The following PPP5C variants were observed in gnomAD, a reference collection of about 807,000 sequenced individuals.
PPP5C encodes serine/threonine-protein phosphatase 5.
In PPP5C, 21 loss-of-function variants were observed where a neutral mutation model predicts 66.7. That is an observed-to-expected ratio of 0.31 (90% CI 0.22 to 0.45). PPP5C has a LOEUF of 0.45. Ranked by LOEUF, PPP5C falls within the 20% of genes least tolerant of loss-of-function variation. PPP5C has a pLI of 1.00. For missense variants in PPP5C, 464 were observed against 675.9 expected (o/e 0.69, Z 3.48); for synonymous variants, 246 against 257.4 (o/e 0.96, Z 0.43).
Position 46,376,780 on chromosome 19 carries a change from C to A in PPP5C, c.633+206C>A. On this transcript the variant is annotated intron_variant, in intron 4 of 12. Coordinates refer to ENST00000012443, the MANE Select transcript of PPP5C (RefSeq NM_006247.4). The surrounding 1 kb of genome is among the most constrained non-coding windows in gnomAD (Gnocchi z 5.1). ...CAGTTTGGGGAGGTGGCAGGCAGTG[C>A]CATTTGACAGATGCAGGGACAAAGG... 1.6e-6 allele frequency: 1 copy of A among 629,374 alleles called. No individual in the cohort carries two copies. Among genetic ancestry groups the A allele is most frequent in the Non-Finnish European group, 2.6e-6 (1 of 389,718 alleles). 39.0% of individuals were successfully genotyped at this position (629,374 alleles called of 1,614,324 possible).
At chr19:46,377,938 T>C (rs1244408059) in intron 4 of PPP5C, among the ~76,000 whole-genome samples, 1 of 152,268 alleles carries the variant, frequency 6.6e-6, no homozygotes, top group Non-Finnish European at 1.5e-5. Flanking sequence ...TAAGCTGCTA[T>C]GAACTTCTTG....
At chr19:46,369,459 C>T (rs886396931) in intron 2 of PPP5C, among the ~76,000 whole-genome samples, 4 of 151,586 alleles carry the variant, frequency 2.6e-5, no homozygotes, top group African/African-American at 7.3e-5. Context: ...GGTGAAACAC[C>T]GTCTCTACTA....
chr19:46,374,126 G>T (rs1972648257), intron 2 of PPP5C, among the ~76,000 whole-genome samples: 1 of 152,204 alleles, frequency 6.6e-6, no homozygotes, highest in African/African-American at 2.4e-5. Flanking sequence ...AGCCCAGGTG[G>T]AGCTGCCTGG....
intron 1 of PPP5C, 114 bp from the exon 2 acceptor site, chr19:46,353,634 A>G (rs1972230816): frequency 2.1e-6 from 3 of 1,451,844 alleles, no homozygotes; most frequent in Non-Finnish European, 2.8e-6. Flanking sequence ...CTCTGGGCTC[A>G]GGGTAGCCCT....
At chr19:46,387,508 T>G (rs1191649534) in intron 9 of PPP5C, 55 bp downstream of exon 9, 6 of 1,613,498 alleles carry the variant, frequency 3.7e-6, no homozygotes, top group African/African-American at 2.7e-5. Context: ...TGGGCTGAGC[T>G]CTCCCCTGCA....
At chr19:46,347,872 G>A (rs371568804) in intron 1 of PPP5C, among the ~76,000 whole-genome samples, 2 of 150,986 alleles carry the variant, frequency 1.3e-5, no homozygotes, top group African/African-American at 4.9e-5. Flanking sequence ...TGACTTTGGG[G>A]ATATAGCAGT....
Position 46,359,277 on chromosome 19 carries a change from A to G in PPP5C, c.363+5288A>G, listed in dbSNP as rs140873286. ...TTATACAGCTGCGTCTCTGTGTCCAATCATCTCTAGTCTTCAGAATACCAT... is the reference window on the plus strand; with the variant it reads ...TTATACAGCTGCGTCTCTGTGTCCAGTCATCTCTAGTCTTCAGAATACCAT... On this transcript the variant is annotated intron_variant, in intron 2 of 12. Transcript: ENST00000012443. 1.6e-3 allele frequency among the ~76,000 whole-genome samples: 240 copies of G among 152,282 alleles called. 2 individuals carry two copies. Among genetic ancestry groups the G allele is most frequent in the Non-Finnish European group, 2.4e-3 (162 of 68,020 alleles).
At position 46,383,552 on chromosome 19, in the gene PPP5C, G is replaced by A; in HGVS notation, c.699+76G>A. 1.4e-6 allele frequency: 2 copies of A among 1,405,830 alleles called. No individual in the cohort carries two copies. Among genetic ancestry groups the A allele is most frequent in the Non-Finnish European group, 1.9e-6 (2 of 1,028,340 alleles). 87.1% of individuals were successfully genotyped at this position (1,405,830 alleles called of 1,614,324 possible). A position where few individuals can be genotyped will look rare whatever the true frequency, so the allele number is the denominator to read the frequency against. On this transcript the variant is annotated intron_variant, in intron 5 of 12. Transcript: ENST00000012443. This position sits in a 1 kb window ranked among gnomAD's most constrained non-coding sequence, Gnocchi z 5.0. ...GCTGGGGAGGGGCCACAGAGCTCAG[G>A]AACTCACGGATCCACCTCCCTCTCT...
chr19:46,357,355 G>GT (rs1972304693), intron 2 of PPP5C, among the ~76,000 whole-genome samples: 1 of 152,136 alleles, frequency 6.6e-6, no homozygotes, highest in African/African-American at 2.4e-5. Flanking sequence ...GCCCCAAAGT[G>GT]TTTTTTCTAT....
At chr19:46,377,123 T>A (rs1388342252) in intron 4 of PPP5C, among the ~76,000 whole-genome samples, 2 of 151,986 alleles carry the variant, frequency 1.3e-5, no homozygotes, top group Non-Finnish European at 2.9e-5. Context: ...ACCTCCTGGG[T>A]TGGTTATGAG....
rs1196091857 is a variant in PPP5C, at chr19:46,388,382, C to A, written c.1136-26C>A. 1 of 1,605,524 alleles carries A rather than the reference C, an allele frequency of 6.2e-7. No homozygotes were observed. Among genetic ancestry groups the A allele is most frequent in the East Asian group, 2.2e-5 (1 of 44,658 alleles). ...CACCCCCGGGGAGGTGGACGAGTCC[C>A]TAATGTTTCCCTCGCTCCCCACCAG... On this transcript the variant is annotated intron_variant, in intron 9 of 12. Coordinates refer to ENST00000012443, the MANE Select transcript of PPP5C (RefSeq NM_006247.4). The surrounding 1 kb of genome is among the most constrained non-coding windows in gnomAD (Gnocchi z 4.9).
At chr19:46,371,701 A>G (rs1203576802) in intron 2 of PPP5C, among the ~76,000 whole-genome samples, 1 of 152,176 alleles carries the variant, frequency 6.6e-6, no homozygotes, top group Non-Finnish European at 1.5e-5. Context: ...TGCCAAACTC[A>G]TTCACCAGAA....
At chr19:46,377,754 T>C (rs1470584845) in intron 4 of PPP5C, among the ~76,000 whole-genome samples, 1 of 152,234 alleles carries the variant, frequency 6.6e-6, no homozygotes, top group Non-Finnish European at 1.5e-5. Context: ...CATATGGGCT[T>C]ACAGCGTTTA....
In PPP5C at chr19:46,390,811, CTG is replaced by C; in HGVS notation, c.*467_*468del. 2.7e-6 allele frequency: 3 copies of C among 1,124,478 alleles called. No individual in the cohort carries two copies. The highest frequency in any genetic ancestry group is 3.3e-6 in the Non-Finnish European group (3 of 907,096). The allele number at this position is 1,124,478 out of a possible 1,614,324, so 69.7% of individuals were successfully genotyped here. ...ACCCCCCTCCCCAGCTATTTTATGT[CTG>C]TAATTAAATATGTTAAAATAAAGTC... On this transcript the variant is annotated 3_prime_UTR_variant, in exon 13 of 13. Coordinates refer to ENST00000012443, the MANE Select transcript of PPP5C (RefSeq NM_006247.4).
chr19:46,352,859 G>T (rs987336349), intron 1 of PPP5C, among the ~76,000 whole-genome samples: 1 of 151,692 alleles, frequency 6.6e-6, no homozygotes, highest in African/African-American at 2.4e-5. Context: ...GTCACCTGCT[G>T]TGTGACCTTG....
intron 2 of PPP5C, among the ~76,000 whole-genome samples, chr19:46,362,079 C>T (rs1218818534): frequency 6.6e-6 from 1 of 151,938 alleles, no homozygotes; most frequent in Non-Finnish European, 1.5e-5. Context: ...TTAACAAAAC[C>T]ACATCCTCTG....
intron 4 of PPP5C, among the ~76,000 whole-genome samples, chr19:46,378,801 C>G (rs1972739988): frequency 6.6e-6 from 1 of 152,108 alleles, no homozygotes; most frequent in Admixed American, 6.5e-5. Context: ...TTGTATTTAA[C>G]CCATTGGTAT....
chr19:46,371,817 A>G (rs993231868), intron 2 of PPP5C, among the ~76,000 whole-genome samples: 1 of 152,198 alleles, frequency 6.6e-6, no homozygotes, highest in African/African-American at 2.4e-5. Flanking sequence ...TGCATGCCTC[A>G]GGCAGGCACG....
At chr19:46,385,920 G>A (rs1183153341) in intron 7 of PPP5C, among the ~76,000 whole-genome samples, 1 of 151,474 alleles carries the variant, frequency 6.6e-6, no homozygotes, top group East Asian at 1.9e-4. Context: ...CTCCAGCGTG[G>A]GCAACAGAGC....
Sources: allele counts gnomAD v4.1 joint callset (sites outside exome capture counted in the v4.1 genomes callset), GRCh38; gene constraint gnomAD v4.1.1; non-coding constraint Gnocchi (gnomAD v3.1); transcripts MANE v1.5; gene names NCBI Gene and HGNC (gene_info 2026-07-23, HGNC 2026-07-21).